The following KAZN variants were observed in gnomAD, a reference collection of about 807,000 sequenced individuals.
The protein encoded by KAZN is kazrin.
In KAZN, 40 loss-of-function variants were observed where a neutral mutation model predicts 87.4. The observed-to-expected ratio is 0.46, with a 90% CI of 0.36 to 0.60. The LOEUF is 0.60. Among genes scored for constraint, KAZN ranks in the 20% least tolerant of loss-of-function variants. The pLI, the probability that KAZN is intolerant of heterozygous loss-of-function variation, is 0.00. For missense variants in KAZN, 898 were observed against 1,073.9 expected, an observed-to-expected ratio of 0.84 and a Z score of 2.29; for synonymous variants, 466 against 458.3, an observed-to-expected ratio of 1.02 and a Z score of -0.22.
intron 2 of KAZN, among the ~76,000 whole-genome samples, chr1:14,558,470 A>G (rs978083243): frequency 6.6e-6 from 1 of 152,226 alleles, no homozygotes; most frequent in Admixed American, 6.5e-5. Context: ...TGGATGAGCC[A>G]GCCATTGTGA....
At chr1:14,141,453 G>A (rs1178726564) in intron 1 of KAZN, among the ~76,000 whole-genome samples, 1 of 151,144 alleles carries the variant, frequency 6.6e-6, no homozygotes, top group East Asian at 2.0e-4. Flanking sequence ...CTCATCCTTC[G>A]CTGATGGAAC....
At chr1:14,027,714 A>G (rs1641141405) in intron 1 of KAZN, among the ~76,000 whole-genome samples, 1 of 152,236 alleles carries the variant, frequency 6.6e-6, no homozygotes, top group African/African-American at 2.4e-5. Flanking sequence ...AAATGTAGCC[A>G]AAATATTGGA....
At position 15,077,794 on chromosome 1, in the gene KAZN, G is replaced by A. The variant is rs760436740; in HGVS notation, c.1222+12041G>A. Among the ~76,000 whole-genome samples the A allele has an allele frequency of 4.6e-5, 7 of 152,172 alleles. No homozygotes were observed. The highest frequency in any genetic ancestry group is 7.3e-5 in the Non-Finnish European group (5 of 68,040). On this transcript the variant is annotated intron_variant, in intron 8 of 14. Transcript: ENST00000376030. The surrounding 1 kb of genome is among the most constrained non-coding windows in gnomAD (Gnocchi z 4.8). ...CAGGCCTCCCAGGGATGCGGACAGG[G>A]GCTCAGAATGAGGAATGGGGACAAA...
At chr1:13,958,061 G>A (rs939932600) in intron 1 of KAZN, among the ~76,000 whole-genome samples, 16 of 152,102 alleles carry the variant, frequency 1.1e-4, no homozygotes, top group African/African-American at 3.1e-4. Flanking sequence ...CACCTCATTC[G>A]TTCATTCATA....
chr1:15,028,967 G>A (rs2102213143), intron 2 of KAZN, among the ~76,000 whole-genome samples: 1 of 152,222 alleles, frequency 6.6e-6, no homozygotes, highest in South Asian at 2.1e-4. Flanking sequence ...GGTACCATCG[G>A]GGACCCTGGC....
intron 1 of KAZN, among the ~76,000 whole-genome samples, chr1:14,667,959 T>C (rs1348957105): frequency 6.6e-6 from 1 of 152,202 alleles, no homozygotes; most frequent in Non-Finnish European, 1.5e-5. Flanking sequence ...TTCATCTTCC[T>C]TTTGAAAATG....
intron 1 of KAZN, among the ~76,000 whole-genome samples, chr1:13,993,970 T>C (rs6698763): frequency 0.14 from 20,760 of 152,292 alleles, 1,536 homozygotes; most frequent in Middle Eastern, 0.22. Flanking sequence ...TGAGTCTTTT[T>C]GTGGTGCAAA....
intron 2 of KAZN, among the ~76,000 whole-genome samples, chr1:14,471,101 A>C (rs1189728185): frequency 6.6e-6 from 1 of 152,166 alleles, no homozygotes; most frequent in Non-Finnish European, 1.5e-5. Flanking sequence ...ACCTCATGAG[A>C]GACCCGGAGC....
chr1:14,067,617 T>A (rs974514908), intron 1 of KAZN, among the ~76,000 whole-genome samples: 1 of 150,914 alleles, frequency 6.6e-6, no homozygotes, highest in African/African-American at 2.5e-5. Context: ...ATTTGCTTCT[T>A]CCACCCTTCT....
At chr1:14,503,030 G>A (rs887414278) in intron 2 of KAZN, among the ~76,000 whole-genome samples, 1 of 152,026 alleles carries the variant, frequency 6.6e-6, no homozygotes, top group East Asian at 1.9e-4. Flanking sequence ...CCAAATGAAT[G>A]AACCTCTAAT....
intron 2 of KAZN, among the ~76,000 whole-genome samples, chr1:14,572,655 C>T (rs1674942146): frequency 6.6e-6 from 1 of 152,172 alleles, no homozygotes; most frequent in Admixed American, 6.5e-5. Flanking sequence ...GAGCCTATTC[C>T]TGAAGCTTTG....
chr1:15,023,686 G>A (rs1467418584), intron 2 of KAZN, among the ~76,000 whole-genome samples: 1 of 151,850 alleles, frequency 6.6e-6, no homozygotes, highest in Non-Finnish European at 1.5e-5. Context: ...CCTTTTAAGG[G>A]GACAGCTCCA....
chr1:14,109,823 G>C (rs773608968), intron 1 of KAZN, among the ~76,000 whole-genome samples: 2 of 81,230 alleles, frequency 2.5e-5, no homozygotes, highest in Non-Finnish European at 5.1e-5. Context: ...CGATTTCAGC[G>C]TCAAGTAGGA....
chr1:15,048,904 C>G (rs770790211), intron 4 of KAZN, among the ~76,000 whole-genome samples: 1 of 150,418 alleles, frequency 6.6e-6, no homozygotes, highest in African/African-American at 2.5e-5. Context: ...GGTCCTGGGT[C>G]GTTGGTCATG....
chr1:15,066,322 T>A lies in KAZN; in HGVS notation c.1222+569T>A. The stretch of plus-strand genomic sequence containing the variant: ...CGTCTGGCAGAGGATGTGGTCTGTT[T>A]TTGATGTCCCCCCTCCCGCCCCCCT... On this transcript the variant is annotated intron_variant, in intron 8 of 14. Transcript: ENST00000376030. This position sits in a 1 kb window ranked among gnomAD's most constrained non-coding sequence, Gnocchi z 4.3. The A allele has an allele frequency of 1.0e-6, 1 of 985,910 alleles. No individual in the cohort carries two copies. The highest frequency in any genetic ancestry group is 4.7e-5 in the South Asian group (1 of 21,300). The allele number at this position is 985,910 out of a possible 1,614,324, so 61.1% of individuals were successfully genotyped here.
chr1:14,063,660 A>G (rs1481168280), intron 1 of KAZN, among the ~76,000 whole-genome samples: 1 of 152,196 alleles, frequency 6.6e-6, no homozygotes, highest in Non-Finnish European at 1.5e-5. Context: ...CAGGTAGGTC[A>G]GTGATATGGT....
chr1:14,704,108 A>G (rs1454491766), intron 1 of KAZN, among the ~76,000 whole-genome samples: 1 of 152,188 alleles, frequency 6.6e-6, no homozygotes, highest in Non-Finnish European at 1.5e-5. Flanking sequence ...CTTATCCTTC[A>G]AGTAAGTCCC....
chr1:14,501,976 G>A (rs1211850334), intron 2 of KAZN, among the ~76,000 whole-genome samples: 1 of 152,150 alleles, frequency 6.6e-6, no homozygotes, highest in Non-Finnish European at 1.5e-5. Context: ...AATGAAGAGA[G>A]ACTAGTAATG....
intron 1 of KAZN, among the ~76,000 whole-genome samples, chr1:14,103,602 C>T (rs549629888): frequency 3.0e-4 from 46 of 152,308 alleles, no homozygotes; most frequent in Middle Eastern, 3.4e-3. Context: ...TCTTCAAAGC[C>T]GGCCTGGCCA....
Sources: allele counts gnomAD v4.1 joint callset (sites outside exome capture counted in the v4.1 genomes callset), GRCh38; gene constraint gnomAD v4.1.1; non-coding constraint Gnocchi (gnomAD v3.1); transcripts MANE v1.5; gene names NCBI Gene and HGNC (gene_info 2026-07-23, HGNC 2026-07-21).